Variants in CSMD3 observed in about 807,000 individuals in gnomAD.
The protein encoded by CSMD3 is CUB and Sushi multiple domains 3.
Under a neutral mutation model 435.2 loss-of-function variants are expected in CSMD3, and 177 were observed. The observed-to-expected ratio is 0.41, with a 90% CI of 0.36 to 0.46. The LOEUF (loss-of-function observed/expected upper bound fraction) is 0.46, where lower values mean the gene tolerates loss of function less well. CSMD3 is among the 20% of genes least tolerant of loss of function. CSMD3 has a pLI of 0.34. For synonymous variants in CSMD3, 1,656 were observed against 1,520.5 expected (o/e 1.09, Z -2.07); for missense variants, 4,265 against 4,504.6 (o/e 0.95, Z 1.52).
At chr8:112,655,331 G>T (rs1029292505) in intron 18 of CSMD3, among the ~76,000 whole-genome samples, 6 of 151,930 alleles carry the variant, frequency 3.9e-5, no homozygotes, top group African/African-American at 1.4e-4. Flanking sequence ...ACCCTCTTAA[G>T]TGTGTTGTTA....
chr8:112,499,439 T>A (rs1176056553), intron 30 of CSMD3, among the ~76,000 whole-genome samples: 1 of 152,036 alleles, frequency 6.6e-6, no homozygotes, highest in Non-Finnish European at 1.5e-5. Context: ...TTTAACAATA[T>A]AATTAGGGAG....
At chr8:113,158,670 ATAT>A (rs1588173000) in intron 4 of CSMD3, among the ~76,000 whole-genome samples, 1 of 152,004 alleles carries the variant, frequency 6.6e-6, no homozygotes. Flanking sequence ...CAGTATGAAA[ATAT>A]TATACTATGA....
intron 7 of CSMD3, among the ~76,000 whole-genome samples, chr8:112,967,986 G>C (rs1204764177): frequency 6.6e-6 from 1 of 151,808 alleles, no homozygotes; most frequent in Non-Finnish European, 1.5e-5. Flanking sequence ...AGTAAGAATA[G>C]CACTGTCATC....
At chr8:112,578,743 C>A (rs1830128628) in intron 23 of CSMD3, among the ~76,000 whole-genome samples, 1 of 152,004 alleles carries the variant, frequency 6.6e-6, no homozygotes, top group South Asian at 2.1e-4. Flanking sequence ...GAGAAGCATA[C>A]CATTTCTGTC....
chr8:113,375,500 CAA>C (rs917361154), intron 1 of CSMD3, among the ~76,000 whole-genome samples: 11 of 134,548 alleles, frequency 8.2e-5, no homozygotes, highest in Non-Finnish European at 1.4e-4. Context: ...GATTCAAAGC[CAA>C]AGACTATTTA....
intron 6 of CSMD3, among the ~76,000 whole-genome samples, chr8:112,985,643 A>T (rs1259086198): frequency 6.6e-6 from 1 of 152,090 alleles, no homozygotes; most frequent in Non-Finnish European, 1.5e-5. Flanking sequence ...CTTCATCTGT[A>T]TTTACAGCTA....
chr8:112,376,875 G>C (rs1342561034), intron 38 of CSMD3, among the ~76,000 whole-genome samples: 1 of 152,124 alleles, frequency 6.6e-6, no homozygotes, highest in African/African-American at 2.4e-5. Context: ...AAACTGCTAT[G>C]AAAGATTTTT....
intron 4 of CSMD3, among the ~76,000 whole-genome samples, chr8:113,114,610 A>AT (rs1029938496): frequency 1.3e-5 from 2 of 152,144 alleles, no homozygotes; most frequent in African/African-American, 4.8e-5. Context: ...TAGTACAGTA[A>AT]TTTTTTATTC....
intron 7 of CSMD3, among the ~76,000 whole-genome samples, chr8:112,957,101 T>A (rs1309722350): frequency 6.6e-6 from 1 of 152,086 alleles, no homozygotes; most frequent in African/African-American, 2.4e-5. Context: ...ATTGCAAGTA[T>A]TAATTACAAG....
At chr8:113,233,430 AAAT>A (rs1376992714) in intron 3 of CSMD3, among the ~76,000 whole-genome samples, 3 of 151,150 alleles carry the variant, frequency 2.0e-5, no homozygotes, top group South Asian at 4.2e-4. Flanking sequence ...TCAGATTAAA[AAAT>A]AATAAAACCT....
chr8:112,817,779 A>C (rs2079416308), intron 12 of CSMD3, among the ~76,000 whole-genome samples: 1 of 152,106 alleles, frequency 6.6e-6, no homozygotes, highest in Admixed American at 6.5e-5. Context: ...TTTGCAGTTT[A>C]AATTTTCATC....
chr8:113,364,327 T>C (rs747838440), intron 1 of CSMD3, among the ~76,000 whole-genome samples: 1 of 152,042 alleles, frequency 6.6e-6, no homozygotes, highest in East Asian at 1.9e-4. Flanking sequence ...AATCACTCTA[T>C]GTATAGTTGA....
At chr8:112,915,350 C>T (rs2082542945) in intron 10 of CSMD3, among the ~76,000 whole-genome samples, 1 of 151,386 alleles carries the variant, frequency 6.6e-6, no homozygotes, top group Non-Finnish European at 1.5e-5. Context: ...TCATTTTATC[C>T]CCATTAAATT....
At chr8:112,619,782 C>A (rs1036082035) in intron 22 of CSMD3, among the ~76,000 whole-genome samples, 2 of 146,030 alleles carry the variant, frequency 1.4e-5, no homozygotes, top group Admixed American at 1.4e-4. Context: ...CATTATCATA[C>A]AAACATGTTG....
chr8:112,612,952 A>T (rs1833383738), intron 22 of CSMD3, among the ~76,000 whole-genome samples: 1 of 151,308 alleles, frequency 6.6e-6, no homozygotes, highest in African/African-American at 2.4e-5. Context: ...GGGATGGTTG[A>T]AGGGGTGGTC....
At chr8:112,525,057 T>A (rs1431760580) in intron 27 of CSMD3, among the ~76,000 whole-genome samples, 1 of 151,858 alleles carries the variant, frequency 6.6e-6, no homozygotes, top group Non-Finnish European at 1.5e-5. Flanking sequence ...TATTTTTAAT[T>A]GAGAAAATTT....
At chr8:112,833,087 T>C (rs2079923560) in intron 11 of CSMD3, among the ~76,000 whole-genome samples, 1 of 152,144 alleles carries the variant, frequency 6.6e-6, no homozygotes, top group Non-Finnish European at 1.5e-5. Context: ...CTGTACCTTA[T>C]AAGTCAGATA....
rs527271146 is a variant in CSMD3 at position 113,020,024 on chromosome 8, G to A, written c.918-845C>T. Among the ~76,000 whole-genome samples the A allele has an allele frequency of 2.7e-5, 4 of 150,490 alleles. No homozygotes were observed. The South Asian group carries it at 8.5e-4, about 32-fold the overall frequency. On this transcript the variant is annotated intron_variant, in intron 5 of 70. Transcript: ENST00000297405. ...TAAAAATACAAAAAATTAGCCGGGCGCGGTGGCGGGCGCCTGTAGTCCCAG... is the reference window on the plus strand; with the variant it reads ...TAAAAATACAAAAAATTAGCCGGGCACGGTGGCGGGCGCCTGTAGTCCCAG...
intron 35 of CSMD3, among the ~76,000 whole-genome samples, chr8:112,401,527 C>T (rs1831343522): frequency 6.6e-6 from 1 of 152,008 alleles, no homozygotes; most frequent in African/African-American, 2.4e-5. Context: ...TATATACTTG[C>T]AAGGCCTATT....
Sources: allele counts gnomAD v4.1 joint callset (sites outside exome capture counted in the v4.1 genomes callset), GRCh38; gene constraint gnomAD v4.1.1; transcripts MANE v1.5; gene names NCBI Gene and HGNC (gene_info 2026-07-23, HGNC 2026-07-21).